The following SEC13 variants were observed in gnomAD, a reference collection of about 807,000 sequenced individuals.
The protein encoded by SEC13 is SEC13 homolog, nuclear pore and COPII component.
SEC13 carries 25 observed loss-of-function variants against 49.2 expected under a neutral mutation model. The ratio of observed to expected loss-of-function variants is 0.51; its 90% CI spans 0.37 to 0.71. The LOEUF (loss-of-function observed/expected upper bound fraction) is 0.71, where lower values mean the gene tolerates loss of function less well. Among genes scored for constraint, SEC13 ranks in the 30% least tolerant of loss-of-function variants. The pLI is 0.00. For synonymous variants in SEC13, 148 were observed against 163.9 expected (o/e 0.90, Z 0.74); for missense variants, 383 against 417.6 (o/e 0.92, Z 0.72).
Position 10,301,031 on chromosome 3 carries a change from C to CATCA in SEC13, c.*226_*229dup. 2 of 1,553,468 alleles carry CATCA rather than the reference C, an allele frequency of 1.3e-6. No individual in the cohort carries two copies. The highest frequency in any genetic ancestry group is 8.8e-7 in the Non-Finnish European group (1 of 1,135,776). ...AAAAATGACCCAAAATAGATTTGAA[C>CATCA]ATCACTTGTAGTTTCTTCCTCGTAA... On this transcript the variant is annotated 3_prime_UTR_variant, in exon 9 of 9. Coordinates refer to ENST00000350697, the MANE Select transcript of SEC13 (RefSeq NM_183352.3).
chr3:10,304,799 C>T (rs191722063), intron 7 of SEC13, among the ~76,000 whole-genome samples: 20 of 152,288 alleles, frequency 1.3e-4, no homozygotes, highest in African/African-American at 4.1e-4. Context: ...ATCCCGAATC[C>T]GCCTCCTTCT....
intron 5 of SEC13, chr3:10,311,615 ACTTTT>A (rs1340101407): frequency 1.8e-6 from 2 of 1,086,532 alleles, no homozygotes; most frequent in Middle Eastern, 4.1e-4. Context: ...TAGCTCACAT[ACTTTT>A]TAAAAGTTTT....
intron 5 of SEC13, 35 bp downstream of exon 5, chr3:10,311,930 G>C: frequency 6.2e-7 from 1 of 1,614,026 alleles, no homozygotes; most frequent in Non-Finnish European, 8.5e-7. Flanking sequence ...CAAGGCAGGC[G>C]CTCTCACTGC....
intron 6 of SEC13, 186 bp from the exon 7 acceptor site, chr3:10,305,342 TC>T: frequency 9.0e-7 from 1 of 1,111,246 alleles, no homozygotes; most frequent in South Asian, 1.7e-5. Flanking sequence ...ATGCTCTGCT[TC>T]CACAGCCAAA....
At chr3:10,306,744 G>A (rs964837089) in intron 5 of SEC13, among the ~76,000 whole-genome samples, 1 of 152,202 alleles carries the variant, frequency 6.6e-6, no homozygotes, top group Non-Finnish European at 1.5e-5. Flanking sequence ...CGCTAGATCT[G>A]ACGATTTTAA....
intron 1 of SEC13, chr3:10,319,160 T>C (rs1372879472): frequency 6.2e-7 from 1 of 1,611,672 alleles, no homozygotes; most frequent in African/African-American, 1.3e-5. Flanking sequence ...TTTCATCTTT[T>C]CCAGCACAAG....
chr3:10,319,795 AAGGC>A (rs2059734307), intron 1 of SEC13, among the ~76,000 whole-genome samples: 4 of 2,342 alleles, frequency 1.7e-3, no homozygotes, highest in Admixed American at 7.6e-3. Context: ...AGAGAGAGAG[AAGGC>A]GGGGGGGGGG....
At chr3:10,315,211 C>T (rs961276140) in intron 3 of SEC13, 110 bp downstream of exon 3, 3 of 778,638 alleles carry the variant, frequency 3.9e-6, no homozygotes, top group Non-Finnish European at 6.5e-6. Flanking sequence ...GCTAAATGTG[C>T]TTTGGGGTTG....
chr3:10,304,126 G>A lies in SEC13; in HGVS notation c.755C>T (p.Thr252Met), dbSNP rs781471030. 39 of 1,614,010 alleles carry A rather than the reference G, an allele frequency of 2.4e-5. No homozygotes were observed. Among genetic ancestry groups the A allele is most frequent in the African/African-American group, 1.3e-4 (10 of 74,912 alleles). ...CTTGTGCAACAATTTAGGGGACCACGTATTGCTTGAGGCATCATCACAGGT... is the reference window on the plus strand; with the variant it reads ...CTTGTGCAACAATTTAGGGGACCACATATTGCTTGAGGCATCATCACAGGT... ...IWTCDDASSN[T>M]WSPKLLHKFN... Residue 252 changes from threonine to methionine, a missense_variant, in exon 8 of 9, where the codon ACG (threonine) becomes ATG (methionine). Thr to Met is a moderately conservative substitution (Grantham distance 81, BLOSUM62 -1). Coordinates refer to ENST00000350697, the MANE Select transcript of SEC13 (RefSeq NM_183352.3).
rs1051670592 is a variant in SEC13 at position 10,305,388 on chromosome 3, G to A, written c.584+171C>T. 1.5e-4 allele frequency: 152 copies of A among 1,031,716 alleles called. No homozygotes were observed. In the Middle Eastern group the frequency reaches 3.8e-3, roughly 26 times the overall value. 63.9% of individuals were successfully genotyped at this position (1,031,716 alleles called of 1,614,324 possible). ...CCAACAGTTGGGAATTAGGTGAACAGGTGTTGTGTTGTTTTTCAAGGATGT... is the reference window on the plus strand; with the variant it reads ...CCAACAGTTGGGAATTAGGTGAACAAGTGTTGTGTTGTTTTTCAAGGATGT... On this transcript the variant is annotated intron_variant, in intron 6 of 8. Coordinates refer to ENST00000350697, the MANE Select transcript of SEC13 (RefSeq NM_183352.3).
Position 10,304,904 on chromosome 3 carries a change from G to A in SEC13, c.708+129C>T, listed in dbSNP as rs557492686. The A allele has an allele frequency of 5.0e-6, 7 of 1,388,032 alleles. No homozygotes were observed. The Admixed American group carries it at 1.3e-4, about 25-fold the overall frequency. 86.0% of individuals were successfully genotyped at this position (1,388,032 alleles called of 1,614,324 possible). ...TCCCCACACAATGACCTGACTCCCT[G>A]TGCTCTGGGCCAAAGGTGCCTGTTG... On this transcript the variant is annotated intron_variant, in intron 7 of 8. Coordinates refer to ENST00000350697, the MANE Select transcript of SEC13 (RefSeq NM_183352.3).
intron 6 of SEC13, 60 bp downstream of exon 6, chr3:10,305,477 TTGTGAGTGTGGCTGAGTCATGG>T (rs1180557606): frequency 9.2e-6 from 14 of 1,521,648 alleles, no homozygotes; most frequent in Non-Finnish European, 1.1e-5. Context: ...ACCTTGTTTC[TTGTGAGTGTGGCTGAGTCATGG>T]TGAGTAGGGT....
rs766590269 is a variant in SEC13 at position 10,305,206 on chromosome 3, C to T, written c.585-50G>A. On this transcript the variant is annotated intron_variant, in intron 6 of 8. Coordinates refer to ENST00000350697, the MANE Select transcript of SEC13 (RefSeq NM_183352.3). ...TCAGCAGGGGGCCGTTCCCACACCTCAACTCCTCCCCAACCCAACAGGCTC... is the reference window on the plus strand; with the variant it reads ...TCAGCAGGGGGCCGTTCCCACACCTTAACTCCTCCCCAACCCAACAGGCTC... The T allele has an allele frequency of 1.9e-6, 3 of 1,558,132 alleles. No homozygotes were observed. In the East Asian group the frequency reaches 6.8e-5, roughly 35 times the overall value.
At chr3:10,305,386 C>T (rs981789401) in intron 6 of SEC13, 173 bp downstream of exon 6, 3 of 1,029,248 alleles carry the variant, frequency 2.9e-6, no homozygotes, top group African/African-American at 3.2e-5. Context: ...ATTAGGTGAA[C>T]AGGTGTTGTG....
At chr3:10,305,862 CAACAGT>C (rs3835090) in intron 5 of SEC13, 170 bp from the exon 6 acceptor site, 78,376 of 606,578 alleles carry the variant, frequency 0.13, 6,670 homozygotes, top group East Asian at 0.39. Context: ...TCAAGGATCC[CAACAGT>C]GTGTGCATTT....
chr3:10,318,595 T>A (rs2059704882), intron 1 of SEC13, among the ~76,000 whole-genome samples: 1 of 152,114 alleles, frequency 6.6e-6, no homozygotes, highest in African/African-American at 2.4e-5. Context: ...CTTTCCTGGA[T>A]GACAGAGCCT....
chr3:10,312,589 G>A lies in SEC13; in HGVS notation c.306C>T (p.His102=), dbSNP rs144679827. Reference sequence around the variant, plus strand: ...CCAAGCTCAGCATACCTGAGGAGTCGTGTCCCGCATGCTCGTGGCTCTTCT... The same window carrying A: ...CCAAGCTCAGCATACCTGAGGAGTCATGTCCCGCATGCTCGTGGCTCTTCT... ...TWEKSHEHAG[H]DSSVNSVCWA... Residue 102 remains histidine (H), a synonymous_variant, in exon 4 of 9, where the codon CAC becomes CAT. Transcript: ENST00000350697. 9 of 1,614,006 alleles carry A rather than the reference G, an allele frequency of 5.6e-6. No homozygotes were observed. The highest frequency in any genetic ancestry group is 1.1e-5 in the South Asian group (1 of 91,082).
chr3:10,311,784 C>T (rs1574880329), intron 5 of SEC13, 181 bp downstream of exon 5: 1 of 1,450,988 alleles, frequency 6.9e-7, no homozygotes, highest in Non-Finnish European at 9.1e-7. Flanking sequence ...CAAGCCCTGC[C>T]TGGTCTGGCT....
Position 10,312,457 on chromosome 3 carries a change from A to G in SEC13, c.316+122T>C, listed in dbSNP as rs760235936. Reference sequence around the variant, plus strand: ...TGAGGACAGAGTAGCAGAAAAGCCAACCAAAGCTCAAGAGACAGACAAGAG... The same window carrying G: ...TGAGGACAGAGTAGCAGAAAAGCCAGCCAAAGCTCAAGAGACAGACAAGAG... On this transcript the variant is annotated intron_variant, in intron 4 of 8. Transcript: ENST00000350697. The G allele has an allele frequency of 4.4e-5, 55 of 1,262,472 alleles. No homozygotes were observed. In the Admixed American group the frequency reaches 7.4e-4, roughly 17 times the overall value. The allele number at this position is 1,262,472 out of a possible 1,614,324, so 78.2% of individuals were successfully genotyped here.
Sources: gnomAD v4.1 joint callset for allele counts (sites outside exome capture counted in the v4.1 genomes callset) on GRCh38, gnomAD v4.1.1 for gene constraint, MANE v1.5 for transcripts, NCBI Gene and HGNC (gene_info 2026-07-23, HGNC 2026-07-21) for gene names.